Variants in FARS2 observed in about 807,000 individuals in gnomAD.
The protein encoded by FARS2 is phenylalanine--tRNA ligase, mitochondrial.
Under a neutral mutation model 46.4 loss-of-function variants are expected in FARS2, and 40 were observed. That is an observed-to-expected ratio of 0.86 (90% CI 0.67 to 1.12). The LOEUF (loss-of-function observed/expected upper bound fraction) is 1.12. Among genes scored for constraint, FARS2 ranks in the 50% most tolerant of loss-of-function variants. The pLI, the probability that FARS2 is intolerant of heterozygous loss-of-function variation, is 0.00. For synonymous variants in FARS2, 234 were observed against 214.9 expected (o/e 1.09, Z -0.78); for missense variants, 513 against 567.9 (o/e 0.90, Z 0.98).
chr6:5,260,612 C>T (rs1415901083), upstream of FARS2: 17 of 775,756 alleles, frequency 2.2e-5, 1 homozygote, highest in Non-Finnish European at 3.4e-5. Flanking sequence ...CGGCCCCTGG[C>T]CCCCCGCCCC....
chr6:5,493,485 G>A (rs936708026), intron 4 of FARS2, among the ~76,000 whole-genome samples: 1 of 152,182 alleles, frequency 6.6e-6, no homozygotes, highest in African/African-American at 2.4e-5. Flanking sequence ...GATGAAGACT[G>A]CAGTGTATCG....
At chr6:5,323,556 G>A (rs1461615884) in intron 1 of FARS2, among the ~76,000 whole-genome samples, 11 of 152,166 alleles carry the variant, frequency 7.2e-5, no homozygotes. Context: ...ATGAGTTTCT[G>A]TTAAAATATG....
At chr6:5,251,643 C>T in the FARS2 span, among the ~76,000 whole-genome samples, 4 of 152,178 alleles carry the variant, frequency 2.6e-5, no homozygotes, top group Non-Finnish European at 4.4e-5. Context: ...GAGAAACCTG[C>T]CCCCATGATC....
chr6:5,301,326 C>T (rs927987451), intron 1 of FARS2, among the ~76,000 whole-genome samples: 5 of 152,194 alleles, frequency 3.3e-5, no homozygotes, highest in African/African-American at 4.8e-5. Flanking sequence ...TGGCATGCAC[C>T]TGTAGTCCCA....
chr6:5,743,051 G>A (rs1761441310), intron 6 of FARS2, among the ~76,000 whole-genome samples: 1 of 151,980 alleles, frequency 6.6e-6, no homozygotes, highest in South Asian at 2.1e-4. Flanking sequence ...CAGGATATAT[G>A]GGCCCCAAAA....
chr6:5,609,278 G>A lies in FARS2; in HGVS notation c.1066-3891G>A, dbSNP rs1472282063. The A allele has an allele frequency of 9.5e-6, 10 of 1,048,376 alleles. No homozygotes were observed. In the East Asian group the frequency reaches 2.1e-4, roughly 22 times the overall value. 64.9% of individuals were successfully genotyped at this position (1,048,376 alleles called of 1,614,324 possible). A position where few individuals can be genotyped will look rare whatever the true frequency, so the allele number is the denominator to read the frequency against. ...TACTGCTGCTACTGGAACTGCCCTA[G>A]CCACCTTGGTTTCATGGTTTGGCAA... On this transcript the variant is annotated intron_variant, in intron 5 of 6. Coordinates refer to ENST00000274680, the MANE Select transcript of FARS2 (RefSeq NM_006567.5).
intron 3 of FARS2, among the ~76,000 whole-genome samples, chr6:5,406,900 G>T (rs184422713): frequency 1.3e-5 from 2 of 151,502 alleles, no homozygotes; most frequent in African/African-American, 4.8e-5. Context: ...CACTTGATAG[G>T]GTTAGTCATT....
intron 4 of FARS2, among the ~76,000 whole-genome samples, chr6:5,469,077 C>CT (rs1378460025): frequency 6.6e-6 from 1 of 152,228 alleles, no homozygotes; most frequent in Non-Finnish European, 1.5e-5. Context: ...TTGAAAAGGG[C>CT]TCGAGACTGA....
intron 1 of FARS2, among the ~76,000 whole-genome samples, chr6:5,283,312 G>T (rs1022414218): frequency 1.3e-5 from 2 of 150,002 alleles, no homozygotes; most frequent in African/African-American, 5.0e-5. Flanking sequence ...GGTGGATGTT[G>T]CAGTGAGCTG....
intron 5 of FARS2, among the ~76,000 whole-genome samples, chr6:5,562,806 CT>C (rs1275011133): frequency 2.3e-3 from 285 of 122,256 alleles, no homozygotes; most frequent in East Asian, 5.6e-3. Flanking sequence ...TTTTCTTTTT[CT>C]TTTTTTTTTT....
rs576682386 is a variant in FARS2, at chr6:5,690,430, A to G, written c.1217+77110A>G. On this transcript the variant is annotated intron_variant, in intron 6 of 6. Coordinates refer to ENST00000274680, the MANE Select transcript of FARS2 (RefSeq NM_006567.5). ...TCTCTCAGCATTTGCTTGTCTGTAAAGGATTTTATTTCTCCTTCACTTATG... is the reference window on the plus strand; with the variant it reads ...TCTCTCAGCATTTGCTTGTCTGTAAGGGATTTTATTTCTCCTTCACTTATG... Among the ~76,000 whole-genome samples, 5 of 151,008 alleles carry G rather than the reference A, an allele frequency of 3.3e-5. No homozygotes were observed. The East Asian group carries it at 5.8e-4, about 17-fold the overall frequency.
Position 5,394,111 on chromosome 6 carries a change from G to A in FARS2, c.613-10431G>A, listed in dbSNP as rs545448713. The stretch of plus-strand genomic sequence containing the variant: ...TACTGTCAAAGAGGGGACTATTTAA[G>A]CTTCAGAATGAGGAGGAGCATAAAG... On this transcript the variant is annotated intron_variant, in intron 2 of 6. Coordinates refer to ENST00000274680, the MANE Select transcript of FARS2 (RefSeq NM_006567.5). Among the ~76,000 whole-genome samples, 20 of 152,308 alleles carry A rather than the reference G, an allele frequency of 1.3e-4. No homozygotes were observed. In the South Asian group the frequency reaches 1.5e-3, roughly 11 times the overall value.
chr6:5,590,879 A>G (rs1389245761), intron 5 of FARS2, among the ~76,000 whole-genome samples: 1 of 152,164 alleles, frequency 6.6e-6, no homozygotes, highest in Non-Finnish European at 1.5e-5. Context: ...CTAACAGCTC[A>G]TTGCTTTGCA....
At chr6:5,450,362 G>C (rs1764414787) in intron 4 of FARS2, among the ~76,000 whole-genome samples, 1 of 151,898 alleles carries the variant, frequency 6.6e-6, no homozygotes, top group Admixed American at 6.6e-5. Flanking sequence ...CAGGGAGTGG[G>C]GGAGGGGAAG....
intron 1 of FARS2, among the ~76,000 whole-genome samples, chr6:5,276,068 A>G (rs1766312970): frequency 6.6e-6 from 1 of 152,070 alleles, no homozygotes; most frequent in Non-Finnish European, 1.5e-5. Context: ...TGGAAACCCT[A>G]TTTTCTTTCT....
At position 5,602,770 on chromosome 6, in the gene FARS2, G is replaced by A. The variant is rs755076096; in HGVS notation, c.1066-10399G>A. Among the ~76,000 whole-genome samples the A allele has an allele frequency of 3.1e-4, 47 of 151,876 alleles. 1 individual carries two copies. The highest frequency in any genetic ancestry group is 5.2e-4 in the Admixed American group (8 of 15,260). On this transcript the variant is annotated intron_variant, in intron 5 of 6. Coordinates refer to ENST00000274680, the MANE Select transcript of FARS2 (RefSeq NM_006567.5). ...AGCAGGGGCCAGTTAGGATGGGGTA[G>A]CATTGTTAAACCAGAATCCCACTTT...
intron 1 of FARS2, among the ~76,000 whole-genome samples, chr6:5,285,914 A>G (rs1250316453): frequency 2.6e-5 from 4 of 152,156 alleles, no homozygotes; most frequent in Admixed American, 2.0e-4. Flanking sequence ...AAGAAAGTTC[A>G]TACCTGTGGA....
chr6:5,329,791 C>G (rs1770667879), intron 1 of FARS2, among the ~76,000 whole-genome samples: 1 of 152,176 alleles, frequency 6.6e-6, no homozygotes, highest in Non-Finnish European at 1.5e-5. Flanking sequence ...TGTGATGCCT[C>G]CATGCTGTCT....
chr6:5,763,804 G>C lies in FARS2; in HGVS notation c.1218-7487G>C, dbSNP rs1303516156. On this transcript the variant is annotated intron_variant, in intron 6 of 6. Transcript: ENST00000274680. ...TTTTTTTTAACATAGAGAAGGTAAA[G>C]GGGGAAAATGATTTACTTAGTTTCC... 4.0e-5 allele frequency among the ~76,000 whole-genome samples: 6 copies of C among 150,776 alleles called. No homozygotes were observed. The East Asian group carries it at 1.2e-3, about 29-fold the overall frequency.
Sources: gnomAD v4.1 joint callset for allele counts (sites outside exome capture counted in the v4.1 genomes callset) on GRCh38, gnomAD v4.1.1 for gene constraint, MANE v1.5 for transcripts, NCBI Gene and HGNC (gene_info 2026-07-23, HGNC 2026-07-21) for gene names.